The following HEATR5A variants were observed in gnomAD, a reference collection of about 807,000 sequenced individuals.
The protein encoded by HEATR5A is HEAT repeat-containing protein 5A.
A neutral mutation model predicts 218.8 loss-of-function variants in HEATR5A; 178 were observed. The ratio of observed to expected loss-of-function variants is 0.81; its 90% confidence interval spans 0.72 to 0.92. The LOEUF is 0.92. Ranked by LOEUF, HEATR5A falls within the 40% of genes least tolerant of loss-of-function variation. HEATR5A has a pLI of 0.00. For synonymous variants in HEATR5A, 864 were observed against 871.6 expected, an observed-to-expected ratio of 0.99 and a Z score of 0.15; for missense variants, 2,420 against 2,418.9, an observed-to-expected ratio of 1.00 and a Z score of -0.01.
chr14:31,321,434 G>A lies in HEATR5A; in HGVS notation c.3969+65C>T. 3 of 1,307,724 alleles carry A rather than the reference G, an allele frequency of 2.3e-6. No homozygotes were observed. In the South Asian group the frequency reaches 4.6e-5, roughly 20 times the overall value. 81.0% of individuals were successfully genotyped at this position (1,307,724 alleles called of 1,614,324 possible). On this transcript the variant is annotated intron_variant, in intron 25 of 35. Transcript: ENST00000543095. ...TGGGATTACAGGCATGAGCCACCAT[G>A]CCTGGCCTCATAGACTTTTTATCTG... is the stretch of plus-strand genomic sequence containing the variant.
intron 21 of HEATR5A, among the ~76,000 whole-genome samples, chr14:31,342,348 A>AC (rs1408693450): frequency 7.9e-5 from 12 of 152,170 alleles, no homozygotes; most frequent in African/African-American, 2.4e-4. Context: ...TGATTGCACC[A>AC]CCGCACTCCA....
At position 31,346,113 on chromosome 14, in the gene HEATR5A, T is replaced by C. The variant is rs537039002; in HGVS notation, c.2869-837A>G. Reference sequence around the variant, plus strand: ...GAAAAAGTTTTATTCCTCTTATCAATGGATGTATAAGAAAGCTTACAGTAC... The same window carrying C: ...GAAAAAGTTTTATTCCTCTTATCAACGGATGTATAAGAAAGCTTACAGTAC... On this transcript the variant is annotated intron_variant, in intron 19 of 35. Coordinates refer to ENST00000543095, the MANE Select transcript of HEATR5A (RefSeq NM_015473.4). 3.9e-5 allele frequency among the ~76,000 whole-genome samples: 6 copies of C among 152,318 alleles called. No homozygotes were observed. In the South Asian group the frequency reaches 1.0e-3, roughly 26 times the overall value.
At chr14:31,318,331 T>G (rs377602285) in intron 25 of HEATR5A, 39 bp from the exon 26 acceptor site, 284 of 1,466,092 alleles carry the variant, frequency 1.9e-4, no homozygotes, top group Non-Finnish European at 2.5e-4. Flanking sequence ...CATCAAGAAG[T>G]AAGACAGCAC....
chr14:31,334,414 T>C (rs1286558503), intron 22 of HEATR5A: 4 of 456,004 alleles, frequency 8.8e-6, no homozygotes, highest in South Asian at 6.2e-5. Context: ...TTCTAGATGG[T>C]TTCTGCAGAT....
rs1899181686 is a variant in HEATR5A, at chr14:31,296,140, T to C, written c.5465-77A>G. 4.9e-6 allele frequency: 6 copies of C among 1,233,134 alleles called. No individual in the cohort carries two copies. In the South Asian group the frequency reaches 6.8e-5, roughly 14 times the overall value. The allele number at this position is 1,233,134 out of a possible 1,614,324, so 76.4% of individuals were successfully genotyped here. ...CTGTGTGAAGCTGTCTTCAGTTTGGTAGTAACAGTTTGGTGTACACAACAG... is the reference window on the plus strand; with the variant it reads ...CTGTGTGAAGCTGTCTTCAGTTTGGCAGTAACAGTTTGGTGTACACAACAG... On this transcript the variant is annotated intron_variant, in intron 33 of 35. Transcript: ENST00000543095.
At chr14:31,342,377 G>A (rs149391401) in intron 21 of HEATR5A, among the ~76,000 whole-genome samples, 1 of 152,242 alleles carries the variant, frequency 6.6e-6, no homozygotes, top group East Asian at 1.9e-4. Flanking sequence ...AAGTGAGACT[G>A]TGCCTCTAAA....
At chr14:31,380,430 G>A in intron 11 of HEATR5A, 37 bp downstream of exon 11, 1 of 1,259,016 alleles carries the variant, frequency 7.9e-7, no homozygotes, top group Non-Finnish European at 1.1e-6. Flanking sequence ...AAAACACAAA[G>A]TATTTCAAGG....
intron 27 of HEATR5A, among the ~76,000 whole-genome samples, chr14:31,315,459 T>C (rs766995239): frequency 1.3e-4 from 20 of 152,204 alleles, no homozygotes; most frequent in African/African-American, 3.9e-4. Context: ...ACAGAGTTGA[T>C]AGAAGATACA....
chr14:31,313,049 T>G lies in HEATR5A; in HGVS notation c.4360A>C (p.Ser1454Arg). The G allele has an allele frequency of 6.2e-7, 1 of 1,614,002 alleles. No homozygotes were observed. The highest frequency in any genetic ancestry group is 1.6e-4 in the Middle Eastern group (1 of 6,062). Residue 1454 changes from serine to arginine, a missense_variant, in exon 28 of 36, where the codon AGC becomes CGC. Transcript: ENST00000543095. ...TGAAGTGCAGCAAGCCAGAGTCTGC[T>G]TAGTGTGCCAAGATCTGCATAGACT... is the stretch of plus-strand genomic sequence containing the variant. ...DLVYADLGTL[S>R]RLWLAALQDF...
intron 21 of HEATR5A, among the ~76,000 whole-genome samples, chr14:31,340,873 G>T (rs1400169437): frequency 6.6e-6 from 1 of 152,200 alleles, no homozygotes; most frequent in Non-Finnish European, 1.5e-5. Flanking sequence ...TACCTCATCA[G>T]AAGTTAATTA....
At chr14:31,403,118 A>G in intron 1 of HEATR5A, 69 bp from the exon 2 acceptor site, 2 of 705,010 alleles carry the variant, frequency 2.8e-6, no homozygotes. Context: ...CGGAAATCAG[A>G]AAAGTGAAAA....
chr14:31,351,794 TAA>T (rs1901242469), intron 16 of HEATR5A, among the ~76,000 whole-genome samples: 1 of 151,168 alleles, frequency 6.6e-6, no homozygotes, highest in Non-Finnish European at 1.5e-5. Flanking sequence ...TTTTTTTTTT[TAA>T]AAGAGATGAT....
At chr14:31,315,646 C>A in intron 27 of HEATR5A, 124 bp downstream of exon 27, 1 of 661,818 alleles carries the variant, frequency 1.5e-6, no homozygotes, top group Non-Finnish European at 2.5e-6. Context: ...TGTTGGAATT[C>A]TTTTTGTTTA....
At chr14:31,405,477 C>T (rs952452621) in intron 1 of HEATR5A, among the ~76,000 whole-genome samples, 1 of 152,166 alleles carries the variant, frequency 6.6e-6, no homozygotes, top group Non-Finnish European at 1.5e-5. Context: ...GCTAAACATT[C>T]ATTTTTACTG....
rs987887824 is a variant in HEATR5A, at chr14:31,400,341, G to A, written c.298C>T (p.Arg100Cys). 3.5e-5 allele frequency: 54 copies of A among 1,535,264 alleles called. No homozygotes were observed. The highest frequency in any genetic ancestry group is 5.5e-5 in the African/African-American group (4 of 72,990). ...TAACTTGGAGAATCATCTTTGCTAC[G>A]AATAAGATCATTACATTTATCGATT... ...EAIDKCNDLI[R>C]SKDDSPSYLP... Residue 100 changes from arginine to cysteine, a missense_variant, in exon 3 of 36, where the codon CGT becomes TGT. Coordinates refer to ENST00000543095, the MANE Select transcript of HEATR5A (RefSeq NM_015473.4).
In HEATR5A at chr14:31,395,072, A is replaced by G. The variant is rs2030604054; in HGVS notation, c.597+127T>C. 1.1e-5 allele frequency: 6 copies of G among 542,554 alleles called. No homozygotes were observed. In the Admixed American group the frequency reaches 2.0e-4, roughly 18 times the overall value. 33.6% of individuals were successfully genotyped at this position (542,554 alleles called of 1,614,324 possible). On this transcript the variant is annotated intron_variant, in intron 5 of 35. Transcript: ENST00000543095. ...TATAACTCTGGGCCTTAGTTTCCTCATATGTTAAAATGAGATAGTCCTAGC... is the reference window on the plus strand; with the variant it reads ...TATAACTCTGGGCCTTAGTTTCCTCGTATGTTAAAATGAGATAGTCCTAGC...
At chr14:31,414,388 A>G (rs2031379574) in intron 1 of HEATR5A, among the ~76,000 whole-genome samples, 1 of 152,234 alleles carries the variant, frequency 6.6e-6, no homozygotes, top group South Asian at 2.1e-4. Context: ...AGACATGACT[A>G]ATAATCCAGT....
At chr14:31,362,002 C>T (rs1271251688) in intron 14 of HEATR5A, among the ~76,000 whole-genome samples, 1 of 151,890 alleles carries the variant, frequency 6.6e-6, no homozygotes, top group Non-Finnish European at 1.5e-5. Flanking sequence ...TCTCACTCTG[C>T]CACCCAGGCT....
chr14:31,323,394 T>C (rs2139168938), intron 24 of HEATR5A, among the ~76,000 whole-genome samples, 171 bp downstream of exon 24: 1 of 152,240 alleles, frequency 6.6e-6, no homozygotes, highest in South Asian at 2.1e-4. Context: ...ACTCCTGGGC[T>C]CAAGTGATCC....
Sources: allele counts gnomAD v4.1 joint callset (sites outside exome capture counted in the v4.1 genomes callset), GRCh38; gene constraint gnomAD v4.1.1; transcripts MANE v1.5; gene names NCBI Gene and HGNC (gene_info 2026-07-23, HGNC 2026-07-21).